Variants in PTPRG observed in about 807,000 individuals in gnomAD.
The protein encoded by PTPRG is receptor-type tyrosine-protein phosphatase gamma.
A neutral mutation model predicts 165.3 loss-of-function variants in PTPRG; 102 were observed. That is an observed-to-expected ratio of 0.62 (90% CI 0.53 to 0.73). PTPRG has a LOEUF of 0.73. Ranked by LOEUF, PTPRG falls within the 30% of genes least tolerant of loss-of-function variation. The pLI, the probability that PTPRG is intolerant of heterozygous loss-of-function variation, is 0.00. For missense variants in PTPRG, 1,866 were observed against 1,861.4 expected (o/e 1.00, Z -0.05); for synonymous variants, 675 against 669.5 (o/e 1.01, Z -0.13).
At chr3:61,891,101 C>T (rs1254605411) in intron 2 of PTPRG, among the ~76,000 whole-genome samples, 1 of 152,014 alleles carries the variant, frequency 6.6e-6, no homozygotes, top group Non-Finnish European at 1.5e-5. Context: ...GGGTGGATCA[C>T]GAGGTCAAGA....
intron 2 of PTPRG, among the ~76,000 whole-genome samples, chr3:61,833,067 T>TTGTGTG (rs113069211): frequency 0.17 from 24,898 of 146,734 alleles, 2,196 homozygotes; most frequent in East Asian, 0.3. Flanking sequence ...TAGTATTCCA[T>TTGTGTG]TGTGTGTGTG....
In PTPRG at chr3:62,283,635, G is replaced by C. The variant is rs73840297; in HGVS notation, c.4055+766G>C. On this transcript the variant is annotated intron_variant, in intron 28 of 29. Coordinates refer to ENST00000474889, the MANE Select transcript of PTPRG (RefSeq NM_002841.4). ...TATTTCAGTTCCAAGGTAGCTCTTG[G>C]TCAGCAGCATTCATTATGTTCATTA... 3.3e-3 allele frequency among the ~76,000 whole-genome samples: 495 copies of C among 152,144 alleles called. 1 individual carries two copies. Among genetic ancestry groups the C allele is most frequent in the African/African-American group, 0.011 (476 of 41,506 alleles).
At chr3:61,984,612 A>G (rs548198823) in intron 2 of PTPRG, among the ~76,000 whole-genome samples, 31 of 152,286 alleles carry the variant, frequency 2.0e-4, no homozygotes, top group African/African-American at 7.0e-4. Context: ...TCTTCATTTC[A>G]TTGTCAGAGT....
chr3:61,940,248 G>T (rs1390453564), intron 2 of PTPRG, among the ~76,000 whole-genome samples: 1 of 152,026 alleles, frequency 6.6e-6, no homozygotes, highest in African/African-American at 2.4e-5. Context: ...CCGTGCCCAG[G>T]CACTGACTTG....
intron 2 of PTPRG, among the ~76,000 whole-genome samples, chr3:61,817,092 A>G (rs963959155): frequency 1.3e-4 from 17 of 132,408 alleles, no homozygotes; most frequent in Non-Finnish European, 2.5e-4. Flanking sequence ...AATATATATT[A>G]CATATTATTA....
intron 8 of PTPRG, among the ~76,000 whole-genome samples, chr3:62,178,921 C>T (rs1320444721): frequency 6.6e-6 from 1 of 152,216 alleles, no homozygotes; most frequent in Non-Finnish European, 1.5e-5. Context: ...AGCTTCCTTA[C>T]TCCCAGAGCA....
intron 5 of PTPRG, among the ~76,000 whole-genome samples, chr3:62,096,244 A>G (rs1273242393): frequency 2.6e-5 from 4 of 152,148 alleles, no homozygotes; most frequent in African/African-American, 2.4e-5. Context: ...CTCTGGGAGC[A>G]TGCATTTGAA....
intron 2 of PTPRG, among the ~76,000 whole-genome samples, chr3:61,787,805 T>G (rs2034754242): frequency 6.6e-6 from 1 of 152,220 alleles, no homozygotes; most frequent in East Asian, 1.9e-4. Context: ...ATTACGGGAA[T>G]TACCTTCTTA....
In PTPRG at chr3:62,060,175, G is replaced by A. The variant is rs1282400684; in HGVS notation, c.520-17988G>A. Among the ~76,000 whole-genome samples the A allele has an allele frequency of 5.5e-5, 8 of 144,282 alleles. No homozygotes were observed. In the South Asian group the frequency reaches 6.4e-4, roughly 12 times the overall value. The allele number at this position is 144,282 out of a possible 152,430, so 94.7% of individuals were successfully genotyped here. On this transcript the variant is annotated intron_variant, in intron 4 of 29. Coordinates refer to ENST00000474889, the MANE Select transcript of PTPRG (RefSeq NM_002841.4). ...TGCAGTGAGCCATGGTCACACCACC[G>A]CACTCTAGCCTGAGCAACAGAGTGA... is the stretch of plus-strand genomic sequence containing the variant.
At chr3:61,764,572 G>A (rs1379562848) in intron 2 of PTPRG, among the ~76,000 whole-genome samples, 1 of 152,116 alleles carries the variant, frequency 6.6e-6, no homozygotes, top group Non-Finnish European at 1.5e-5. Context: ...TTTTAGCCTG[G>A]GAAGACCTCT....
At chr3:61,871,212 T>C (rs992596112) in intron 2 of PTPRG, among the ~76,000 whole-genome samples, 4 of 146,298 alleles carry the variant, frequency 2.7e-5, no homozygotes, top group African/African-American at 1.0e-4. Context: ...TATGTTATGT[T>C]ATGTTATGTT....
rs552883860 is a variant in PTPRG at position 62,219,713 on chromosome 3, G to A, written c.2288+730G>A. On this transcript the variant is annotated intron_variant, in intron 13 of 29. Coordinates refer to ENST00000474889, the MANE Select transcript of PTPRG (RefSeq NM_002841.4). The surrounding 1 kb of genome is among the most constrained non-coding windows in gnomAD (Gnocchi z 4.5). ...GACAGGCTTCACCAGTGAGAAACAGGTGTCATATTTTCATCTCTCCCTCCC... is the reference window on the plus strand; with the variant it reads ...GACAGGCTTCACCAGTGAGAAACAGATGTCATATTTTCATCTCTCCCTCCC... Among the ~76,000 whole-genome samples the A allele has an allele frequency of 6.6e-6, 1 of 152,164 alleles. No individual in the cohort carries two copies. The highest frequency in any genetic ancestry group is 1.5e-5 in the Non-Finnish European group (1 of 68,032).
intron 2 of PTPRG, among the ~76,000 whole-genome samples, chr3:61,958,574 T>A (rs2040084349): frequency 1.3e-5 from 2 of 152,210 alleles, no homozygotes; most frequent in South Asian, 4.1e-4. Context: ...TTAATTGCCC[T>A]CTTTTATATG....
At chr3:62,010,273 A>G (rs1414768747) in intron 4 of PTPRG, among the ~76,000 whole-genome samples, 2 of 152,086 alleles carry the variant, frequency 1.3e-5, no homozygotes, top group Non-Finnish European at 2.9e-5. Context: ...GTACATTGGC[A>G]TATTAAGGGC....
At chr3:62,009,504 G>A (rs749138717) in intron 4 of PTPRG, among the ~76,000 whole-genome samples, 2 of 152,300 alleles carry the variant, frequency 1.3e-5, no homozygotes, top group Non-Finnish European at 1.5e-5. Context: ...CTCTTCTCCT[G>A]TCTGCTCAAA....
At chr3:62,105,473 T>A (rs1177618796) in intron 5 of PTPRG, among the ~76,000 whole-genome samples, 1 of 152,218 alleles carries the variant, frequency 6.6e-6, no homozygotes, top group Non-Finnish European at 1.5e-5. Flanking sequence ...ATACTATCAA[T>A]AGGAGAGTGA....
At chr3:61,854,285 G>A (rs147132278) in intron 2 of PTPRG, among the ~76,000 whole-genome samples, 1 of 152,286 alleles carries the variant, frequency 6.6e-6, no homozygotes, top group African/African-American at 2.4e-5. Context: ...CTTTAAACCA[G>A]TGCCCTGAGT....
At chr3:62,118,987 A>G (rs1404333004) in intron 5 of PTPRG, among the ~76,000 whole-genome samples, 2 of 152,238 alleles carry the variant, frequency 1.3e-5, no homozygotes, top group East Asian at 1.9e-4. Context: ...TTCTTCTAGG[A>G]AGCAAACATC....
intron 1 of PTPRG, among the ~76,000 whole-genome samples, chr3:61,748,018 A>G (rs2033279647): frequency 6.6e-6 from 1 of 152,234 alleles, no homozygotes; most frequent in African/African-American, 2.4e-5. Flanking sequence ...ACGCTATAGC[A>G]GGCAGATGGA....
Sources: gnomAD v4.1 joint callset for allele counts (sites outside exome capture counted in the v4.1 genomes callset) on GRCh38, gnomAD v4.1.1 for gene constraint, Gnocchi (gnomAD v3.1) non-coding constraint, MANE v1.5 for transcripts, NCBI Gene and HGNC (gene_info 2026-07-23, HGNC 2026-07-21) for gene names.